The following WDR72 variants were observed in gnomAD, a reference collection of about 807,000 sequenced individuals.
The protein encoded by WDR72 is WD repeat-containing protein 72.
Under a neutral mutation model 124.2 loss-of-function variants are expected in WDR72, and 120 were observed. That is an observed-to-expected ratio of 0.97 (90% confidence interval 0.83 to 1.12). WDR72 has a LOEUF of 1.12. WDR72 is among the 50% of genes most tolerant of loss of function. The pLI is 0.00. For missense variants in WDR72, 1,387 were observed against 1,278.8 expected (o/e 1.08, Z -1.29); for synonymous variants, 452 against 441.7 (o/e 1.02, Z -0.29).
At chr15:53,725,161 T>A (rs2017985053) in intron 2 of WDR72, among the ~76,000 whole-genome samples, 1 of 151,912 alleles carries the variant, frequency 6.6e-6, no homozygotes, top group Non-Finnish European at 1.5e-5. Context: ...AGCAGACACC[T>A]CACCAAAGAA....
chr15:53,610,094 T>C lies in WDR72; in HGVS notation c.2873-502A>G, dbSNP rs2013475123. On this transcript the variant is annotated intron_variant, in intron 16 of 19. Transcript: ENST00000360509. The stretch of plus-strand genomic sequence containing the variant: ...CCTTTGATTTGTCCTTACCCAGCTA[T>C]ACCACTTTGATCAATAGGTAGAGCA... Among the ~76,000 whole-genome samples, 4 of 152,066 alleles carry C rather than the reference T, an allele frequency of 2.6e-5. No individual in the cohort carries two copies. The South Asian group carries it at 8.3e-4, about 31-fold the overall frequency.
chr15:53,706,348 GTGTATATA>G lies in WDR72; in HGVS notation c.955-282_955-275del, dbSNP rs1380494896. On this transcript the variant is annotated intron_variant, in intron 9 of 19. Transcript: ENST00000360509. ...TATATGTGCGTGTGTGTGTGTGTGT[GTGTATATA>G]TATATATATATATATATATATATAT... Among the ~76,000 whole-genome samples the G allele has an allele frequency of 7.5e-3, 429 of 57,220 alleles. 3 individuals carry two copies. The highest frequency in any genetic ancestry group is 0.017 in the African/African-American group (177 of 10,134). The allele number at this position is 57,220 out of a possible 152,430, so 37.5% of individuals were successfully genotyped here. A position where few individuals can be genotyped will look rare whatever the true frequency, so the allele number is the denominator to read the frequency against.
At chr15:53,751,292 C>T (rs2018768150) in intron 1 of WDR72, among the ~76,000 whole-genome samples, 1 of 151,822 alleles carries the variant, frequency 6.6e-6, no homozygotes, top group African/African-American at 2.4e-5. Flanking sequence ...CAGCAAACTT[C>T]ATTATTGTCA....
chr15:53,599,373 A>T (rs944956009), intron 17 of WDR72, among the ~76,000 whole-genome samples: 2 of 152,130 alleles, frequency 1.3e-5, no homozygotes, highest in Non-Finnish European at 2.9e-5. Flanking sequence ...AGAACTCAGG[A>T]TTATAAGTGA....
intron 18 of WDR72, among the ~76,000 whole-genome samples, chr15:53,541,701 T>C (rs71361324): frequency 1.3e-5 from 2 of 150,068 alleles, no homozygotes; most frequent in Non-Finnish European, 3.0e-5. Context: ...CTCTGAGCTA[T>C]GGGAGGACAT....
intron 9 of WDR72, among the ~76,000 whole-genome samples, 199 bp from the exon 10 acceptor site, chr15:53,706,273 T>A (rs1166179829): frequency 2.0e-5 from 3 of 146,884 alleles, no homozygotes; most frequent in Non-Finnish European, 3.0e-5. Flanking sequence ...AGAAGCAAAG[T>A]CATAGACCTC....
At chr15:53,636,919 A>G (rs2014644548) in intron 14 of WDR72, among the ~76,000 whole-genome samples, 1 of 152,206 alleles carries the variant, frequency 6.6e-6, no homozygotes, top group African/African-American at 2.4e-5. Flanking sequence ...GTTTAATTAA[A>G]TGATTTTTAG....
chr15:53,534,944 C>G (rs74713588), intron 18 of WDR72, among the ~76,000 whole-genome samples: 2,250 of 152,054 alleles, frequency 0.015, 61 homozygotes, highest in African/African-American at 0.051. Flanking sequence ...CTAGATTATA[C>G]TAGTTCTATT....
chr15:53,677,110 C>T (rs368390033), intron 13 of WDR72, among the ~76,000 whole-genome samples: 417 of 151,930 alleles, frequency 2.7e-3, no homozygotes, highest in African/African-American at 8.8e-3. Flanking sequence ...TTAGTAGAGA[C>T]GGGGTTTCAC....
chr15:53,756,421 T>C (rs2018908666), intron 1 of WDR72, among the ~76,000 whole-genome samples: 1 of 152,150 alleles, frequency 6.6e-6, no homozygotes, highest in Non-Finnish European at 1.5e-5. Flanking sequence ...TAGAGCAGTA[T>C]GAGAAAGGAC....
At chr15:53,716,525 T>C in intron 4 of WDR72, 82 bp downstream of exon 4, 1 of 908,102 alleles carries the variant, frequency 1.1e-6, no homozygotes, top group Non-Finnish European at 1.9e-6. Flanking sequence ...TCTCCAAAGA[T>C]GTTTCTTTAG....
rs940191849 is a variant in WDR72 at position 53,538,757 on chromosome 15, C to T, written c.3149-15435G>A. ...TTATACTGCTACCCGCCCTGGCTCACCCACCCCTAGACACACAGCAGATCA... is the reference window on the plus strand; with the variant it reads ...TTATACTGCTACCCGCCCTGGCTCATCCACCCCTAGACACACAGCAGATCA... On this transcript the variant is annotated intron_variant, in intron 18 of 19. Transcript: ENST00000360509. Among the ~76,000 whole-genome samples, 6 of 152,164 alleles carry T rather than the reference C, an allele frequency of 3.9e-5. No individual in the cohort carries two copies. The East Asian group carries it at 9.7e-4, about 25-fold the overall frequency.
chr15:53,655,116 A>T (rs1377079200), intron 14 of WDR72, among the ~76,000 whole-genome samples: 1 of 151,412 alleles, frequency 6.6e-6, no homozygotes, highest in East Asian at 1.9e-4. Flanking sequence ...CTGTAATCCC[A>T]ACTACCCAGG....
intron 18 of WDR72, among the ~76,000 whole-genome samples, chr15:53,545,160 T>G (rs1002343894): frequency 1.3e-5 from 2 of 150,908 alleles, no homozygotes; most frequent in Non-Finnish European, 1.5e-5. Context: ...TGGAAAAAAC[T>G]ACTTTAAAGT....
At chr15:53,550,889 C>A (rs965192035) in intron 18 of WDR72, among the ~76,000 whole-genome samples, 4 of 152,072 alleles carry the variant, frequency 2.6e-5, no homozygotes, top group African/African-American at 9.7e-5. Flanking sequence ...GACTAGGAGA[C>A]ACACAATCTG....
At chr15:53,587,317 T>C (rs145542812) in intron 18 of WDR72, among the ~76,000 whole-genome samples, 3 of 152,046 alleles carry the variant, frequency 2.0e-5, no homozygotes. Flanking sequence ...TATTAAGGAA[T>C]GGCCACATTT....
chr15:53,625,985 C>T (rs1049803694), intron 14 of WDR72, among the ~76,000 whole-genome samples: 2 of 152,124 alleles, frequency 1.3e-5, no homozygotes, highest in Admixed American at 6.5e-5. Context: ...AAGGTAGAAA[C>T]GTACTTTCTA....
At chr15:53,707,452 A>AT (rs2017412863) in intron 9 of WDR72, among the ~76,000 whole-genome samples, 6 of 8,430 alleles carry the variant, frequency 7.1e-4, no homozygotes, top group Non-Finnish European at 1.6e-3. Flanking sequence ...TTTCTAAATG[A>AT]ATTTTTTTTT....
chr15:53,580,016 G>C (rs1448748843), intron 18 of WDR72, among the ~76,000 whole-genome samples: 1 of 151,992 alleles, frequency 6.6e-6, no homozygotes, highest in Non-Finnish European at 1.5e-5. Context: ...CCCCTCACGT[G>C]GCTGGTACTA....
Sources: gnomAD v4.1 joint callset for allele counts (sites outside exome capture counted in the v4.1 genomes callset) on GRCh38, gnomAD v4.1.1 for gene constraint, MANE v1.5 for transcripts, NCBI Gene and HGNC (gene_info 2026-07-23, HGNC 2026-07-21) for gene names.